The following FSTL4 variants were observed in gnomAD, a reference collection of about 807,000 sequenced individuals.
FSTL4 encodes follistatin-related protein 4.
Under a neutral mutation model 78.2 loss-of-function variants are expected in FSTL4, and 28 were observed. The ratio of observed to expected loss-of-function variants is 0.36; its 90% CI spans 0.27 to 0.49. The LOEUF is 0.49. FSTL4 is among the 20% of genes least tolerant of loss of function. The probability of loss-of-function intolerance (pLI) is 0.98; values close to 1 mark genes in which losing one functional copy is unlikely to be tolerated. For synonymous variants in FSTL4, 422 were observed against 440.5 expected (o/e 0.96, Z 0.53); for missense variants, 922 against 1,084.9 (o/e 0.85, Z 2.11).
chr5:133,692,831 A>G, the FSTL4 span, among the ~76,000 whole-genome samples: 4 of 152,242 alleles, frequency 2.6e-5, no homozygotes, highest in African/African-American at 9.6e-5. Flanking sequence ...TCACAGCCCA[A>G]CCAAATATCA....
the FSTL4 span, among the ~76,000 whole-genome samples, chr5:133,680,380 A>G: frequency 6.6e-6 from 1 of 152,276 alleles, no homozygotes; most frequent in African/African-American, 2.4e-5. Flanking sequence ...CACCTGAGCC[A>G]GCTCCAAACA....
chr5:133,749,547 CCATGGG>C, the FSTL4 span, among the ~76,000 whole-genome samples: 1 of 152,218 alleles, frequency 6.6e-6, no homozygotes, highest in African/African-American at 2.4e-5. Flanking sequence ...GAAATAACAG[CCATGGG>C]CTGAAAGCAA....
the FSTL4 span, among the ~76,000 whole-genome samples, chr5:133,654,888 G>T: frequency 1.3e-5 from 2 of 152,262 alleles, no homozygotes; most frequent in African/African-American, 4.8e-5. Context: ...GGTATTGCTT[G>T]AGATTCTCCT....
chr5:133,224,167 C>G lies in FSTL4; in HGVS notation c.1339+23G>C, dbSNP rs367661260. The G allele has an allele frequency of 6.2e-6, 10 of 1,604,454 alleles. No homozygotes were observed. In the East Asian group the frequency reaches 1.1e-4, roughly 18 times the overall value. On this transcript the variant is annotated intron_variant, in intron 11 of 15. Coordinates refer to ENST00000265342, the MANE Select transcript of FSTL4 (RefSeq NM_015082.2). ...CAAACACACGTGATCACAGGCATGACGCAAAACAATGAAGCTTGGTACCTT... is the reference window on the plus strand; with the variant it reads ...CAAACACACGTGATCACAGGCATGAGGCAAAACAATGAAGCTTGGTACCTT...
chr5:133,394,989 C>T (rs1004851313), intron 4 of FSTL4, among the ~76,000 whole-genome samples: 1 of 152,134 alleles, frequency 6.6e-6, no homozygotes, highest in African/African-American at 2.4e-5. Flanking sequence ...CTAGTGGGGA[C>T]TTGGAGAACT....
chr5:133,624,695 A>G, the FSTL4 span, among the ~76,000 whole-genome samples: 3 of 151,748 alleles, frequency 2.0e-5, no homozygotes, highest in African/African-American at 7.2e-5. Flanking sequence ...ACAATATCAC[A>G]TAGTTTTGAT....
chr5:133,805,292 C>T, the FSTL4 span, among the ~76,000 whole-genome samples: 1 of 152,232 alleles, frequency 6.6e-6, no homozygotes, highest in Admixed American at 6.5e-5. Flanking sequence ...ACCCCATGCG[C>T]TATTACCCGG....
intron 3 of FSTL4, among the ~76,000 whole-genome samples, chr5:133,405,599 C>A (rs1352991427): frequency 6.6e-6 from 1 of 152,234 alleles, no homozygotes; most frequent in Non-Finnish European, 1.5e-5. Context: ...GTACATGTAG[C>A]CATGTGCAGA....
In FSTL4 at chr5:133,256,866, T is replaced by C. The variant is rs78163973; in HGVS notation, c.728-7290A>G. 5.7e-4 allele frequency among the ~76,000 whole-genome samples: 87 copies of C among 152,338 alleles called. 2 individuals are homozygous for C. The East Asian group carries it at 0.017, about 29-fold the overall frequency. On this transcript the variant is annotated intron_variant, in intron 6 of 15. Transcript: ENST00000265342. ...CTTCATTTTGGGGATGGCAATAAAA[T>C]TACTAGTTAATTACCTGCGGGTCAG...
At chr5:133,319,027 C>T (rs1241149965) in intron 4 of FSTL4, among the ~76,000 whole-genome samples, 1 of 152,222 alleles carries the variant, frequency 6.6e-6, no homozygotes, top group Non-Finnish European at 1.5e-5. Flanking sequence ...GGGTCTGCAG[C>T]TGGACAACAC....
At chr5:133,354,793 A>G (rs558727355) in intron 4 of FSTL4, among the ~76,000 whole-genome samples, 90 of 152,360 alleles carry the variant, frequency 5.9e-4, no homozygotes, top group Admixed American at 9.8e-4. Context: ...CGTCACCTAC[A>G]TCACACCTGC....
chr5:133,696,753 G>A, the FSTL4 span, among the ~76,000 whole-genome samples: 3 of 152,244 alleles, frequency 2.0e-5, no homozygotes, highest in Admixed American at 1.3e-4. Context: ...AAGCCCCAGT[G>A]GGCAGCCCCC....
chr5:133,768,705 A>G, the FSTL4 span, among the ~76,000 whole-genome samples: 2 of 152,232 alleles, frequency 1.3e-5, no homozygotes, highest in African/African-American at 4.8e-5. Context: ...TCTGCTGTGC[A>G]GGGCTGCTAA....
At chr5:133,737,212 T>C in the FSTL4 span, among the ~76,000 whole-genome samples, 6 of 152,126 alleles carry the variant, frequency 3.9e-5, no homozygotes, top group African/African-American at 1.4e-4. Flanking sequence ...AAAATGGGTA[T>C]ATTTTTTGTA....
At chr5:133,792,763 T>A in the FSTL4 span, among the ~76,000 whole-genome samples, 3 of 152,080 alleles carry the variant, frequency 2.0e-5, no homozygotes, top group Non-Finnish European at 4.4e-5. Flanking sequence ...AAATGAGACA[T>A]CCCTCCTCAA....
At chr5:133,813,626 C>G in the FSTL4 span, among the ~76,000 whole-genome samples, 2 of 152,246 alleles carry the variant, frequency 1.3e-5, no homozygotes, top group Non-Finnish European at 2.9e-5. Context: ...GACTAAAACA[C>G]AAAGGCTGCA....
At chr5:133,326,449 G>A (rs1257895294) in intron 4 of FSTL4, among the ~76,000 whole-genome samples, 1 of 152,182 alleles carries the variant, frequency 6.6e-6, no homozygotes, top group Non-Finnish European at 1.5e-5. Flanking sequence ...TGACTTCTAA[G>A]TGAGTGGGTC....
chr5:133,300,023 T>A (rs1753497888), intron 6 of FSTL4, among the ~76,000 whole-genome samples: 1 of 152,202 alleles, frequency 6.6e-6, no homozygotes, highest in Non-Finnish European at 1.5e-5. Flanking sequence ...CCATATTTTC[T>A]GTGTTTTCCC....
chr5:133,626,999 A>G, the FSTL4 span, among the ~76,000 whole-genome samples: 2 of 152,150 alleles, frequency 1.3e-5, no homozygotes, highest in African/African-American at 2.4e-5. Flanking sequence ...GTCTCCAACT[A>G]TAACTGAATG....
Sources: gnomAD v4.1 joint callset for allele counts (sites outside exome capture counted in the v4.1 genomes callset) on GRCh38, gnomAD v4.1.1 for gene constraint, MANE v1.5 for transcripts, NCBI Gene and HGNC (gene_info 2026-07-23, HGNC 2026-07-21) for gene names.